The following TM9SF3 variants were observed in gnomAD, a reference collection of about 807,000 sequenced individuals.
The protein encoded by TM9SF3 is SM-11044-binding protein.
In TM9SF3, 14 loss-of-function variants were observed where a neutral mutation model predicts 78.6. The observed-to-expected ratio is 0.18, with a 90% CI of 0.12 to 0.28. TM9SF3 has a LOEUF of 0.28. Among genes scored for constraint, TM9SF3 ranks in the 10% least tolerant of loss-of-function variants. TM9SF3 has a pLI of 1.00. For missense variants in TM9SF3, 496 were observed against 721.9 expected (o/e 0.69, Z 3.59); for synonymous variants, 231 against 241.7 (o/e 0.96, Z 0.41).
intron 7 of TM9SF3, among the ~76,000 whole-genome samples, chr10:96,549,903 T>C (rs1009654545): frequency 6.6e-6 from 1 of 151,600 alleles, no homozygotes; most frequent in Non-Finnish European, 1.5e-5. Flanking sequence ...CTAGAAGAGA[T>C]TATCTTCTAG....
intron 1 of TM9SF3, among the ~76,000 whole-genome samples, chr10:96,581,539 C>T (rs2134162971): frequency 6.6e-6 from 1 of 152,248 alleles, no homozygotes; most frequent in South Asian, 2.1e-4. Context: ...GATAACTACT[C>T]TCTCTCAAAA....
intron 8 of TM9SF3, among the ~76,000 whole-genome samples, chr10:96,545,335 C>A (rs1387790427): frequency 2.0e-5 from 3 of 152,110 alleles, no homozygotes; most frequent in East Asian, 3.9e-4. Context: ...ATATAAAGTT[C>A]TTTTAAAACA....
intron 2 of TM9SF3, among the ~76,000 whole-genome samples, chr10:96,572,204 A>G (rs1319316947): frequency 6.6e-6 from 1 of 152,166 alleles, no homozygotes; most frequent in Admixed American, 6.5e-5. Flanking sequence ...TTCGAATATA[A>G]ACTATATACC....
chr10:96,537,492 G>T (rs1433704956), intron 9 of TM9SF3, among the ~76,000 whole-genome samples: 1 of 152,144 alleles, frequency 6.6e-6, no homozygotes, highest in Admixed American at 6.5e-5. Context: ...CATATCCCTG[G>T]CATTAAATGA....
chr10:96,581,536 ACTCT>A (rs1404587735), intron 1 of TM9SF3, among the ~76,000 whole-genome samples: 1 of 152,154 alleles, frequency 6.6e-6, no homozygotes, highest in Non-Finnish European at 1.5e-5. Context: ...TGAGATAACT[ACTCT>A]CTCTCAAAAA....
At chr10:96,541,661 G>A (rs367837754) in intron 9 of TM9SF3, among the ~76,000 whole-genome samples, 6 of 152,170 alleles carry the variant, frequency 3.9e-5, no homozygotes, top group African/African-American at 7.2e-5. Context: ...AATTACAGGC[G>A]TGAGCCATCA....
chr10:96,531,868 T>C (rs1159964438), intron 10 of TM9SF3, among the ~76,000 whole-genome samples: 2 of 152,014 alleles, frequency 1.3e-5, no homozygotes, highest in African/African-American at 2.4e-5. Flanking sequence ...CCAGTAAGGA[T>C]ATTGATGGGT....
At chr10:96,553,712 T>C (rs1848202030) in intron 5 of TM9SF3, among the ~76,000 whole-genome samples, 1 of 152,182 alleles carries the variant, frequency 6.6e-6, no homozygotes, top group Admixed American at 6.5e-5. Context: ...CCATTTTCCA[T>C]AGCATATTGA....
intron 6 of TM9SF3, among the ~76,000 whole-genome samples, 162 bp from the exon 7 acceptor site, chr10:96,551,573 G>A (rs1234373442): frequency 6.6e-6 from 1 of 152,152 alleles, no homozygotes; most frequent in African/African-American, 2.4e-5. Context: ...AATGATCACT[G>A]CCTTAATAAC....
At chr10:96,553,089 ACCTGC>A (rs746938331) in intron 5 of TM9SF3, 30 bp from the exon 6 acceptor site, 1 of 1,564,830 alleles carries the variant, frequency 6.4e-7, no homozygotes, top group African/African-American at 1.4e-5. Flanking sequence ...AATGTTACCA[ACCTGC>A]AATATCAGCC....
At chr10:96,568,129 G>A (rs1003437719) in intron 2 of TM9SF3, among the ~76,000 whole-genome samples, 1 of 152,160 alleles carries the variant, frequency 6.6e-6, no homozygotes, top group Admixed American at 6.5e-5. Context: ...CATCTTCCAG[G>A]CAGGTAGACA....
intron 5 of TM9SF3, among the ~76,000 whole-genome samples, chr10:96,558,251 T>C (rs1564935357): frequency 6.6e-6 from 1 of 152,118 alleles, no homozygotes; most frequent in East Asian, 1.9e-4. Flanking sequence ...TGCCTGAGCA[T>C]TATACTCGAG....
At chr10:96,580,634 T>G (rs1848556616) in intron 1 of TM9SF3, among the ~76,000 whole-genome samples, 1 of 152,122 alleles carries the variant, frequency 6.6e-6, no homozygotes, top group African/African-American at 2.4e-5. Context: ...AGCCAAACTC[T>G]AATAATCCTT....
Position 96,530,599 on chromosome 10 carries a change from C to A in TM9SF3, c.1335G>T (p.Glu445Asp). ...CACCCAGGCAAACAATAACCGCAGG[C>A]TCCATGAACCTGGAAAATATTAAAA... ...RPIPEKKWFM[E>D]PAVIVCLGGI... The change falls in exon 11 of 15, where the codon GAG (glutamate) becomes GAT (aspartate). Residue 445 changes from glutamate (E) to aspartate (D), a missense_variant. This residue lies in a region of TM9SF3 where 280 missense variants were observed against 422.6 expected (regional missense o/e 0.66). Transcript: ENST00000371142. The A allele has an allele frequency of 6.2e-7, 1 of 1,610,248 alleles. No individual in the cohort carries two copies. The highest frequency in any genetic ancestry group is 1.1e-5 in the South Asian group (1 of 90,158).
chr10:96,559,757 T>G (rs1391952859), intron 4 of TM9SF3, 21 bp from the exon 5 acceptor site: 1 of 1,479,972 alleles, frequency 6.8e-7, no homozygotes, highest in Admixed American at 2.0e-5. Context: ...TTTTTTCATT[T>G]GAAAATAAAG....
chr10:96,550,938 A>T (rs1021563908), intron 7 of TM9SF3, among the ~76,000 whole-genome samples: 5 of 152,218 alleles, frequency 3.3e-5, no homozygotes, highest in Admixed American at 3.3e-4. Flanking sequence ...CTTTAGGAAA[A>T]AAAAGGCTAT....
At chr10:96,564,040 T>C (rs1166358359) in intron 3 of TM9SF3, among the ~76,000 whole-genome samples, 2 of 151,718 alleles carry the variant, frequency 1.3e-5, no homozygotes, top group Admixed American at 6.6e-5. Context: ...TCCCAGAAAT[T>C]TGGGAGGCTG....
Position 96,551,362 on chromosome 10 carries a change from A to G in TM9SF3, c.842T>C (p.Val281Ala). Residue 281 changes from valine (V) to alanine (A), a missense_variant, in exon 7 of 15, where the codon GTA (valine) becomes GCA (alanine). Val to Ala is a moderately conservative substitution (Grantham distance 64). Around this residue, in one of 4 missense-constraint regions of TM9SF3, gnomAD observed 280 missense variants for 422.6 expected, o/e 0.66. Transcript: ENST00000371142. Reference sequence around the variant, plus strand: ...CAGTGGGTGACTTGATGGTCTAAATACATCTCCATGCACCTGTTTCCATCC... The same window carrying G: ...CAGTGGGTGACTTGATGGTCTAAATGCATCTCCATGCACCTGTTTCCATCC... The part of the protein sequence containing the change: ...EYGWKQVHGD[V>A]FRPSSHPLIF... 1 of 1,612,556 alleles carries G rather than the reference A, an allele frequency of 6.2e-7. No individual in the cohort carries two copies. Among genetic ancestry groups the G allele is most frequent in the Non-Finnish European group, 8.5e-7 (1 of 1,179,274 alleles).
intron 2 of TM9SF3, among the ~76,000 whole-genome samples, chr10:96,567,509 T>C (rs9633703): frequency 0.59 from 89,396 of 152,054 alleles, 28,006 homozygotes; most frequent in East Asian, 0.83. Context: ...CTGTGCTCTC[T>C]TGGCCTCTGA....
Sources: allele counts gnomAD v4.1 joint callset (sites outside exome capture counted in the v4.1 genomes callset), GRCh38; gene constraint gnomAD v4.1.1; regional missense constraint gnomAD v4.1.1; transcripts MANE v1.5; gene names NCBI Gene and HGNC (gene_info 2026-07-23, HGNC 2026-07-21).